The following MAP3K3 variants were observed in gnomAD, a reference collection of about 807,000 sequenced individuals.
The protein encoded by MAP3K3 is mitogen-activated protein kinase kinase kinase 3, also known as MAP/ERK kinase kinase 3.
MAP3K3 carries 12 observed loss-of-function variants against 80.9 expected under a neutral mutation model. The ratio of observed to expected loss-of-function variants is 0.15; its 90% confidence interval spans 0.10 to 0.24. The LOEUF (loss-of-function observed/expected upper bound fraction) is 0.24, where lower values mean the gene tolerates loss of function less well. Ranked by LOEUF, MAP3K3 falls within the 10% of genes least tolerant of loss-of-function variation. The probability of loss-of-function intolerance (pLI) is 1.00; values close to 1 mark genes in which losing one functional copy is unlikely to be tolerated. For missense variants in MAP3K3, 596 were observed against 834.7 expected, an observed-to-expected ratio of 0.71 and a Z score of 3.52; for synonymous variants, 272 against 307.1, an observed-to-expected ratio of 0.89 and a Z score of 1.19.
Position 63,696,219 on chromosome 17 carries a change from G to C in MAP3K3, c.*2442G>C, listed in dbSNP as rs1289097840. ...TGGAACTGTGGAACCTGCAGCCATAGTTATTTGACTATATCTTGACCGAGG... is the reference window on the plus strand; with the variant it reads ...TGGAACTGTGGAACCTGCAGCCATACTTATTTGACTATATCTTGACCGAGG... On this transcript the variant is annotated 3_prime_UTR_variant, in exon 16 of 16. Transcript: ENST00000361733. 1.3e-5 allele frequency: 2 copies of C among 152,662 alleles called. No homozygotes were observed. Among genetic ancestry groups the C allele is most frequent in the Non-Finnish European group, 2.9e-5 (2 of 68,072 alleles). 9.5% of individuals were successfully genotyped at this position (152,662 alleles called of 1,614,324 possible).
intron 3 of MAP3K3, among the ~76,000 whole-genome samples, chr17:63,651,976 G>A (rs2034665982): frequency 6.6e-6 from 1 of 152,122 alleles, no homozygotes; most frequent in African/African-American, 2.4e-5. Context: ...ATGTTTTCAG[G>A]ACTGCTACTC....
intron 6 of MAP3K3, among the ~76,000 whole-genome samples, chr17:63,680,541 A>G (rs1382627611): frequency 3.9e-5 from 6 of 152,322 alleles, no homozygotes; most frequent in African/African-American, 9.6e-5. Flanking sequence ...GATCATGGAA[A>G]GCAACACAGC....
chr17:63,632,334 AT>A (rs1372453346), intron 1 of MAP3K3, among the ~76,000 whole-genome samples: 5 of 152,138 alleles, frequency 3.3e-5, no homozygotes, highest in Non-Finnish European at 7.4e-5. Context: ...TCTACAAAAA[AT>A]AAAAAAATCA....
chr17:63,652,749 A>G (rs1464414094), intron 4 of MAP3K3, 93 bp downstream of exon 4: 2 of 772,922 alleles, frequency 2.6e-6, no homozygotes, highest in East Asian at 2.7e-5. Flanking sequence ...TTGTTCCTCT[A>G]ATATCATCTG....
intron 1 of MAP3K3, among the ~76,000 whole-genome samples, chr17:63,623,540 C>A (rs975013511): frequency 1.4e-4 from 21 of 152,218 alleles, no homozygotes; most frequent in Non-Finnish European, 5.9e-5. Flanking sequence ...TCTCTGAAAT[C>A]ACTTCCTTTT....
chr17:63,631,805 C>T (rs79135821), intron 1 of MAP3K3, among the ~76,000 whole-genome samples: 2,483 of 152,232 alleles, frequency 0.016, 61 homozygotes, highest in African/African-American at 0.057. Context: ...CCTTTGACTT[C>T]CCCATGGGAA....
At chr17:63,649,551 C>G (rs1598080021) in intron 3 of MAP3K3, among the ~76,000 whole-genome samples, 1 of 152,268 alleles carries the variant, frequency 6.6e-6, no homozygotes, top group East Asian at 1.9e-4. Flanking sequence ...TCCCAGGTGC[C>G]TGGGACAACA....
intron 8 of MAP3K3, among the ~76,000 whole-genome samples, chr17:63,686,734 C>T (rs1318261465): frequency 2.0e-5 from 3 of 152,260 alleles, no homozygotes; most frequent in Admixed American, 2.0e-4. Context: ...ATTTACCCGC[C>T]TCTCTATTCT....
chr17:63,656,912 C>A (rs749636744), intron 4 of MAP3K3, among the ~76,000 whole-genome samples: 1 of 151,948 alleles, frequency 6.6e-6, no homozygotes, highest in Non-Finnish European at 1.5e-5. Context: ...ACAATCATGA[C>A]GGAAGGGAAA....
chr17:63,660,360 T>C (rs2034862772), intron 5 of MAP3K3, among the ~76,000 whole-genome samples: 1 of 151,466 alleles, frequency 6.6e-6, no homozygotes, highest in African/African-American at 2.4e-5. Flanking sequence ...TGTGCCCCCA[T>C]GCTTGGCTTT....
intron 1 of MAP3K3, among the ~76,000 whole-genome samples, chr17:63,625,040 A>G (rs2034071868): frequency 6.6e-6 from 1 of 152,246 alleles, no homozygotes; most frequent in Admixed American, 6.5e-5. Flanking sequence ...AGAGAGAAAC[A>G]TAGACTTCTT....
At chr17:63,688,969 G>T (rs960453785) in intron 10 of MAP3K3, 88 bp downstream of exon 10, 7 of 905,416 alleles carry the variant, frequency 7.7e-6, no homozygotes, top group Non-Finnish European at 1.3e-5. Context: ...TGCAGTGCCT[G>T]TATTTTCCTT....
chr17:63,671,192 C>T (rs2035099595), intron 6 of MAP3K3, among the ~76,000 whole-genome samples: 1 of 151,690 alleles, frequency 6.6e-6, no homozygotes, highest in African/African-American at 2.4e-5. Context: ...TGGTGGTTCT[C>T]AAAGTGTGTT....
At position 63,695,207 on chromosome 17, in the gene MAP3K3, G is replaced by T. The variant is rs2035667997; in HGVS notation, c.*1430G>T. ...CCCCATGGGCACAGAACAAGCCAAA[G>T]CCTTCGTTGTATGTTGACGATGCAC... is the stretch of plus-strand genomic sequence containing the variant. On this transcript the variant is annotated 3_prime_UTR_variant, in exon 16 of 16. Coordinates refer to ENST00000361733, the MANE Select transcript of MAP3K3 (RefSeq NM_002401.5). This position sits in a 1 kb window ranked among gnomAD's most constrained non-coding sequence, Gnocchi z 4.1. 1 of 152,576 alleles carries T rather than the reference G, an allele frequency of 6.6e-6. No individual in the cohort carries two copies. Among genetic ancestry groups the T allele is most frequent in the African/African-American group, 2.4e-5 (1 of 41,416 alleles). The allele number at this position is 152,576 out of a possible 1,614,324, so 9.5% of individuals were successfully genotyped here. A position where few individuals can be genotyped will look rare whatever the true frequency, so the allele number is the denominator to read the frequency against.
At position 63,689,595 on chromosome 17, in the gene MAP3K3, T is replaced by C. The variant is rs773528129; in HGVS notation, c.923T>C (p.Leu308Pro). 4 of 1,613,740 alleles carry C rather than the reference T, an allele frequency of 2.5e-6. No individual in the cohort carries two copies. Among genetic ancestry groups the C allele is most frequent in the African/African-American group, 2.7e-5 (2 of 74,938 alleles). The change falls in exon 11 of 16, where the codon CTG becomes CCG. Residue 308 changes from leucine to proline, a missense_variant. Leu to Pro is a moderately conservative substitution (Grantham distance 98, BLOSUM62 -3). Transcript: ENST00000361733. The surrounding 1 kb of genome is among the most constrained non-coding windows in gnomAD (Gnocchi z 4.3). The stretch of plus-strand genomic sequence containing the variant: ...CGTCATCAAGGCAACTTGTTCACCC[T>C]GGTGCCCTCCAGCCGCTCCCTGAGC... ...IRRHQGNLFTLVPSSRSLSTN... is the reference protein window; with the variant it reads ...IRRHQGNLFTPVPSSRSLSTN...
intron 7 of MAP3K3, among the ~76,000 whole-genome samples, chr17:63,683,878 C>T (rs1430563041): frequency 5.9e-5 from 9 of 151,918 alleles, no homozygotes; most frequent in African/African-American, 1.2e-4. Context: ...TATGTCAGTC[C>T]GGTCGCAGTG....
At chr17:63,636,883 G>T (rs1042604636) in intron 2 of MAP3K3, 2 of 423,200 alleles carry the variant, frequency 4.7e-6, no homozygotes, top group Non-Finnish European at 9.2e-6. Flanking sequence ...CAAGCCTTGG[G>T]ACAATGAGAC....
At chr17:63,686,040 C>T (rs1287777094) in intron 8 of MAP3K3, among the ~76,000 whole-genome samples, 1 of 152,096 alleles carries the variant, frequency 6.6e-6, no homozygotes, top group African/African-American at 2.4e-5. Flanking sequence ...CCTAGTGTAC[C>T]ATGCCACCTG....
At chr17:63,626,818 GGT>G (rs2034112545) in intron 1 of MAP3K3, among the ~76,000 whole-genome samples, 2 of 152,188 alleles carry the variant, frequency 1.3e-5, no homozygotes, top group South Asian at 4.2e-4. Context: ...GGTGGAGCTG[GGT>G]AGAACATTGT....
Sources: gnomAD v4.1 joint callset for allele counts (sites outside exome capture counted in the v4.1 genomes callset) on GRCh38, gnomAD v4.1.1 for gene constraint, Gnocchi (gnomAD v3.1) non-coding constraint, MANE v1.5 for transcripts, NCBI Gene and HGNC (gene_info 2026-07-23, HGNC 2026-07-21) for gene names.